The following SLC5A4 variants were observed in gnomAD, a reference collection of about 807,000 sequenced individuals.
The protein encoded by SLC5A4 is probable glucose sensor protein SLC5A4.
Under a neutral mutation model 70.3 loss-of-function variants are expected in SLC5A4, and 55 were observed. The observed-to-expected ratio is 0.78, with a 90% CI of 0.63 to 0.98. The LOEUF is 0.98. Ranked by LOEUF, SLC5A4 falls within the 50% of genes least tolerant of loss-of-function variation. The probability of loss-of-function intolerance (pLI) is 0.00; values close to 1 mark genes in which losing one functional copy is unlikely to be tolerated. For missense variants in SLC5A4, 735 were observed against 839.2 expected, an observed-to-expected ratio of 0.88 and a Z score of 1.53; for synonymous variants, 268 against 305.7, an observed-to-expected ratio of 0.88 and a Z score of 1.29.
intron 10 of SLC5A4, 101 bp downstream of exon 10, chr22:32,230,867 G>T (rs1354583987): frequency 1.4e-6 from 1 of 717,076 alleles, no homozygotes; most frequent in Admixed American, 2.2e-5. Flanking sequence ...CTGATGAGTT[G>T]GATTGAATTA....
chr22:32,316,673 G>A, the SLC5A4 span, among the ~76,000 whole-genome samples: 64,601 of 151,384 alleles, frequency 0.43, 14,073 homozygotes, highest in East Asian at 0.65. Context: ...GGGATAACAG[G>A]TGCTCGCCAC....
the SLC5A4 span, chr22:32,271,325 AGCTGCCTCTCTCGTCAAGGAGGT>A: frequency 1.1e-5 from 8 of 738,058 alleles, no homozygotes; most frequent in Non-Finnish European, 2.4e-6. Context: ...TGCCAGGAGG[AGCTGCCTCTCTCGTCAAGGAGGT>A]GCTGCTGGTT....
At chr22:32,321,155 G>A in the SLC5A4 span, among the ~76,000 whole-genome samples, 1,386 of 152,290 alleles carry the variant, frequency 9.1e-3, 19 homozygotes, top group African/African-American at 0.032. Context: ...GCATGGTGGC[G>A]TGCACCTGTA....
In SLC5A4 at chr22:32,224,183, G is replaced by A. The variant is rs953686714; in HGVS notation, c.1665+84C>T. ...GATCCGCCCGCCTTGGCCTCCCAAA[G>A]TGCTGGGATTACAGGCGTGAGCCAC... On this transcript the variant is annotated intron_variant, in intron 13 of 14. Transcript: ENST00000266086. The A allele has an allele frequency of 4.1e-5, 43 of 1,048,536 alleles. No individual in the cohort carries two copies. In the Admixed American group the frequency reaches 5.8e-4, roughly 14 times the overall value. The allele number at this position is 1,048,536 out of a possible 1,614,324, so 65.0% of individuals were successfully genotyped here.
the SLC5A4 span, among the ~76,000 whole-genome samples, chr22:32,326,758 G>A: frequency 2.6e-5 from 4 of 152,344 alleles, no homozygotes; most frequent in South Asian, 8.3e-4. Flanking sequence ...TTGGGAGAGG[G>A]AGATGAGGCT....
At position 32,229,078 on chromosome 22, in the gene SLC5A4, C is replaced by T. The variant is rs1422918430; in HGVS notation, c.1280+116G>A. 5.0e-5 allele frequency: 46 copies of T among 918,944 alleles called. No homozygotes were observed. The Admixed American group carries it at 1.1e-3, about 23-fold the overall frequency. The allele number at this position is 918,944 out of a possible 1,614,324, so 56.9% of individuals were successfully genotyped here. On this transcript the variant is annotated intron_variant, in intron 11 of 14. Transcript: ENST00000266086. ...AATTTGATGTACTCCAATGTCTCTT[C>T]CCTCTACCCAGATGCTATGATTACT...
At position 32,237,094 on chromosome 22, in the gene SLC5A4, C is replaced by A; in HGVS notation, c.664+150G>T. On this transcript the variant is annotated intron_variant, in intron 7 of 14. Transcript: ENST00000266086. ...CTAATAAAGCAAGAAAGAAGTCAGG[C>A]AGATATTTCAGTGATGGGGATTATG... 6.1e-6 allele frequency: 4 copies of A among 650,990 alleles called. No homozygotes were observed. In the South Asian group the frequency reaches 6.9e-5, roughly 11 times the overall value. The allele number at this position is 650,990 out of a possible 1,614,324, so 40.3% of individuals were successfully genotyped here.
At chr22:32,330,782 GGTGT>G in the SLC5A4 span, among the ~76,000 whole-genome samples, 1 of 118,318 alleles carries the variant, frequency 8.5e-6, no homozygotes, top group Non-Finnish European at 1.8e-5. Flanking sequence ...TGGGGGCTCT[GGTGT>G]GTGTGTTGGG....
In SLC5A4 at chr22:32,234,850, A is replaced by C. The variant is rs369138619; in HGVS notation, c.885+23T>G. On this transcript the variant is annotated intron_variant, in intron 8 of 14. Transcript: ENST00000266086. ...CACAGACAGACAGACAGACAGACAG[A>C]CACACATATACATATACTTCACCTG... 8.5e-5 allele frequency: 129 copies of C among 1,510,926 alleles called. 1 individual carries two copies. The African/African-American group carries it at 1.6e-3, about 18-fold the overall frequency. The allele number at this position is 1,510,926 out of a possible 1,614,324, so 93.6% of individuals were successfully genotyped here. A position where few individuals can be genotyped will look rare whatever the true frequency, so the allele number is the denominator to read the frequency against.
At position 32,252,009 on chromosome 22, in the gene SLC5A4, C is replaced by T. The variant is rs1927196059; in HGVS notation, c.208-135G>A. On this transcript the variant is annotated intron_variant, in intron 2 of 14. Transcript: ENST00000266086. ...CTTTGGGAGGCTGAGGCGGGTGGAT[C>T]ACAAGGTCAGGAGATCAAGACCATC... 6 of 611,126 alleles carry T rather than the reference C, an allele frequency of 9.8e-6. No homozygotes were observed. In the East Asian group the frequency reaches 1.7e-4, roughly 18 times the overall value. The allele number at this position is 611,126 out of a possible 1,614,324, so 37.9% of individuals were successfully genotyped here.
At chr22:32,237,623 T>C (rs541798378) in intron 6 of SLC5A4, among the ~76,000 whole-genome samples, 7 of 152,342 alleles carry the variant, frequency 4.6e-5, no homozygotes, top group African/African-American at 1.7e-4. Flanking sequence ...TGAAAGTTTC[T>C]CTTAACAATC....
rs571255979 is a variant in SLC5A4 at position 32,248,959 on chromosome 22, T to C, written c.313-157A>G. Among the ~76,000 whole-genome samples the C allele has an allele frequency of 5.3e-4, 80 of 152,272 alleles. No individual in the cohort carries two copies. The South Asian group carries it at 0.016, about 30-fold the overall frequency. On this transcript the variant is annotated intron_variant, in intron 3 of 14. Transcript: ENST00000266086. ...TAATCCCAAGACAATTGTGAGTTCC[T>C]TTTTTTCTGTTTCTATGACTCAGGG... is the stretch of plus-strand genomic sequence containing the variant.
the SLC5A4 span, among the ~76,000 whole-genome samples, chr22:32,288,694 G>A: frequency 6.6e-6 from 1 of 151,946 alleles, no homozygotes; most frequent in African/African-American, 2.4e-5. Context: ...TTACAGGCAT[G>A]CACCACCACG....
the SLC5A4 span, among the ~76,000 whole-genome samples, chr22:32,317,603 C>T: frequency 6.6e-6 from 1 of 152,174 alleles, no homozygotes; most frequent in African/African-American, 2.4e-5. Flanking sequence ...GCTAAGACTA[C>T]AGGTGTGCAC....
chr22:32,354,053 C>G, the SLC5A4 span, among the ~76,000 whole-genome samples: 1 of 150,560 alleles, frequency 6.6e-6, no homozygotes, highest in Non-Finnish European at 1.5e-5. Flanking sequence ...ACCCAACCCG[C>G]CCCGCCGGAA....
intron 13 of SLC5A4, 104 bp downstream of exon 13, chr22:32,224,163 G>T (rs906318806): frequency 1.2e-6 from 1 of 801,500 alleles, no homozygotes. Context: ...CTCGTGATCC[G>T]CCCGCCTTGG....
chr22:32,320,894 C>T, the SLC5A4 span, among the ~76,000 whole-genome samples: 1 of 152,308 alleles, frequency 6.6e-6, no homozygotes, highest in African/African-American at 2.4e-5. Flanking sequence ...GATCCGGCAA[C>T]CTCTCTCTGT....
Position 32,246,286 on chromosome 22 carries a change from C to G in SLC5A4, c.477+1125G>C, listed in dbSNP as rs114769363. 9.5e-3 allele frequency among the ~76,000 whole-genome samples: 1,439 copies of G among 152,272 alleles called. 32 individuals are homozygous for G. Among genetic ancestry groups the G allele is most frequent in the African/African-American group, 0.033 (1,374 of 41,542 alleles). ...CATTGGGAAGGCTCATGCCATCTAACCTAAGCAGCTAGTTCACTTCCAACA... is the reference window on the plus strand; with the variant it reads ...CATTGGGAAGGCTCATGCCATCTAAGCTAAGCAGCTAGTTCACTTCCAACA... On this transcript the variant is annotated intron_variant, in intron 5 of 14. Transcript: ENST00000266086.
the SLC5A4 span, chr22:32,270,201 G>A: frequency 3.0e-6 from 2 of 666,626 alleles, no homozygotes; most frequent in Admixed American, 2.0e-5. Context: ...CCTTTGAGGT[G>A]TGTGACAGCA....
Sources: gnomAD v4.1 joint callset for allele counts (sites outside exome capture counted in the v4.1 genomes callset) on GRCh38, gnomAD v4.1.1 for gene constraint, MANE v1.5 for transcripts, NCBI Gene and HGNC (gene_info 2026-07-23, HGNC 2026-07-21) for gene names.